Variants in ACSS3 observed in about 807,000 individuals in gnomAD.
ACSS3 encodes acyl-CoA synthetase short chain family member 3.
Under a neutral mutation model 84.2 loss-of-function variants are expected in ACSS3, and 64 were observed. The ratio of observed to expected loss-of-function variants is 0.76; its 90% CI spans 0.62 to 0.94. The LOEUF is 0.94. ACSS3 is among the 40% of genes least tolerant of loss of function. The pLI, the probability that ACSS3 is intolerant of heterozygous loss-of-function variation, is 0.00. For synonymous variants in ACSS3, 317 were observed against 310.1 expected (o/e 1.02, Z -0.23); for missense variants, 815 against 867.6 (o/e 0.94, Z 0.76).
chr12:81,192,371 C>G (rs918252979), intron 8 of ACSS3, among the ~76,000 whole-genome samples: 1 of 152,052 alleles, frequency 6.6e-6, no homozygotes, highest in African/African-American at 2.4e-5. Flanking sequence ...CAGAGCAAGA[C>G]TCCATCTCAG....
At chr12:81,192,117 C>T (rs1044521629) in intron 8 of ACSS3, among the ~76,000 whole-genome samples, 1 of 152,074 alleles carries the variant, frequency 6.6e-6, no homozygotes, top group Admixed American at 6.5e-5. Flanking sequence ...TGCGGTGGCT[C>T]GTGCCTGTAA....
intron 13 of ACSS3, among the ~76,000 whole-genome samples, chr12:81,251,051 CT>C (rs2034134927): frequency 6.6e-6 from 1 of 152,134 alleles, no homozygotes. Context: ...CTCAACAATT[CT>C]TTATTTATTT....
chr12:81,132,410 T>C (rs1224568524), intron 2 of ACSS3, among the ~76,000 whole-genome samples: 1 of 152,170 alleles, frequency 6.6e-6, no homozygotes, highest in East Asian at 1.9e-4. Flanking sequence ...TCTAGTTTAT[T>C]TGCATAGAGG....
chr12:81,082,777 T>C lies in ACSS3; in HGVS notation c.311+4346T>C, dbSNP rs563366226. 1.3e-5 allele frequency among the ~76,000 whole-genome samples: 2 copies of C among 152,336 alleles called. 1 individual carries two copies. The highest frequency in any genetic ancestry group is 4.8e-5 in the African/African-American group (2 of 41,574). On this transcript the variant is annotated intron_variant, in intron 1 of 15. Coordinates refer to ENST00000548058, the MANE Select transcript of ACSS3 (RefSeq NM_024560.4). ...GTCAATACAGGCTTGAGTTCAACCG[T>C]AGCTTTGCCGCTTACTCTGAGAAAG...
chr12:81,229,700 A>C (rs2033390177), intron 11 of ACSS3, among the ~76,000 whole-genome samples: 1 of 151,952 alleles, frequency 6.6e-6, no homozygotes, highest in Non-Finnish European at 1.5e-5. Flanking sequence ...ATTATTTTAC[A>C]GATTAATTAA....
intron 7 of ACSS3, among the ~76,000 whole-genome samples, chr12:81,172,734 A>G (rs1286387134): frequency 6.6e-6 from 1 of 152,208 alleles, no homozygotes; most frequent in Non-Finnish European, 1.5e-5. Flanking sequence ...ATCTGCATTT[A>G]ATATCATTAA....
intron 3 of ACSS3, 61 bp downstream of exon 3, chr12:81,135,065 G>A: frequency 1.5e-6 from 2 of 1,360,148 alleles, no homozygotes; most frequent in Non-Finnish European, 2.0e-6. Flanking sequence ...ATATTTATCT[G>A]TGGATGAATC....
chr12:81,160,546 A>G (rs1054924720), intron 7 of ACSS3, among the ~76,000 whole-genome samples: 2 of 152,240 alleles, frequency 1.3e-5, no homozygotes, highest in African/African-American at 4.8e-5. Context: ...AAGCAAATTA[A>G]TTAAACCTCT....
At chr12:81,234,754 T>C (rs1413001011) in intron 13 of ACSS3, among the ~76,000 whole-genome samples, 1 of 151,426 alleles carries the variant, frequency 6.6e-6, no homozygotes, top group Non-Finnish European at 1.5e-5. Context: ...ACTGTTTCTT[T>C]TTTATTGTTC....
intron 8 of ACSS3, among the ~76,000 whole-genome samples, chr12:81,188,682 T>C (rs2135864981): frequency 6.6e-6 from 1 of 152,246 alleles, no homozygotes; most frequent in East Asian, 1.9e-4. Context: ...ATCCATAAGT[T>C]TGCGCGTCAA....
At chr12:81,146,040 A>G (rs1394291942) in intron 5 of ACSS3, among the ~76,000 whole-genome samples, 1 of 152,140 alleles carries the variant, frequency 6.6e-6, no homozygotes, top group Non-Finnish European at 1.5e-5. Flanking sequence ...ACTTATTTTA[A>G]CCTATCTTAT....
At chr12:81,221,650 A>C (rs1305728679) in intron 11 of ACSS3, among the ~76,000 whole-genome samples, 1 of 152,078 alleles carries the variant, frequency 6.6e-6, no homozygotes, top group African/African-American at 2.4e-5. Context: ...AATATTGAAC[A>C]TGCCATTTGT....
intron 8 of ACSS3, among the ~76,000 whole-genome samples, chr12:81,186,059 G>A (rs576028838): frequency 7.4e-4 from 112 of 151,684 alleles, no homozygotes; most frequent in Admixed American, 1.3e-3. Flanking sequence ...AGATCCAAAC[G>A]TATATGGTCA....
At chr12:81,241,079 T>C (rs570222913) in intron 13 of ACSS3, among the ~76,000 whole-genome samples, 87 of 148,722 alleles carry the variant, frequency 5.8e-4, no homozygotes, top group African/African-American at 2.0e-3. Flanking sequence ...AGTGAGAATA[T>C]GTGGTGTTTG....
chr12:81,198,928 G>A (rs1399540593), intron 8 of ACSS3, among the ~76,000 whole-genome samples: 1 of 152,136 alleles, frequency 6.6e-6, no homozygotes, highest in East Asian at 1.9e-4. Flanking sequence ...TGCTGCCTTA[G>A]CCAACACTTA....
At chr12:81,195,358 T>C (rs1299312431) in intron 8 of ACSS3, among the ~76,000 whole-genome samples, 1 of 152,056 alleles carries the variant, frequency 6.6e-6, no homozygotes, top group Non-Finnish European at 1.5e-5. Flanking sequence ...TTTAAAGTTA[T>C]AGGTATATCA....
chr12:81,147,700 C>T (rs1886407273), intron 5 of ACSS3, among the ~76,000 whole-genome samples: 1 of 152,118 alleles, frequency 6.6e-6, no homozygotes, highest in Non-Finnish European at 1.5e-5. Flanking sequence ...ATCTGTCAAA[C>T]CACTGTCAAA....
Position 81,256,151 on chromosome 12 carries a change from C to T in ACSS3, c.*1229C>T, listed in dbSNP as rs2034287823. The T allele has an allele frequency of 6.6e-6, 1 of 152,060 alleles. No individual in the cohort carries two copies. Among genetic ancestry groups the T allele is most frequent in the Admixed American group, 6.6e-5 (1 of 15,264 alleles). The allele number at this position is 152,060 out of a possible 1,614,324, so 9.4% of individuals were successfully genotyped here. A position where few individuals can be genotyped will look rare whatever the true frequency, so the allele number is the denominator to read the frequency against. ...AGAAAATGGTGAAGACTGCAGATCACCTGCTATACCTCAAGGAGCAGCGGA... is the reference window on the plus strand; with the variant it reads ...AGAAAATGGTGAAGACTGCAGATCATCTGCTATACCTCAAGGAGCAGCGGA... On this transcript the variant is annotated 3_prime_UTR_variant, in exon 16 of 16. Transcript: ENST00000548058.
chr12:81,216,614 G>T (rs934649224), intron 9 of ACSS3, among the ~76,000 whole-genome samples: 2 of 151,946 alleles, frequency 1.3e-5, no homozygotes, highest in Admixed American at 6.6e-5. Flanking sequence ...CATTCTACAC[G>T]CCTGCTGATC....
Sources: gnomAD v4.1 joint callset for allele counts (sites outside exome capture counted in the v4.1 genomes callset) on GRCh38, gnomAD v4.1.1 for gene constraint, MANE v1.5 for transcripts, NCBI Gene and HGNC (gene_info 2026-07-23, HGNC 2026-07-21) for gene names.